Variants in PGM1 observed in about 807,000 individuals in gnomAD.
PGM1 encodes the protein phosphoglucomutase-1.
In PGM1, 52 loss-of-function variants were observed where a neutral mutation model predicts 55.6. The observed-to-expected ratio is 0.94, with a 90% CI of 0.75 to 1.18. The LOEUF is 1.18. Among genes scored for constraint, PGM1 ranks in the 50% most tolerant of loss-of-function variants. PGM1 has a pLI of 0.00. For missense variants in PGM1, 724 were observed against 729.3 expected, an observed-to-expected ratio of 0.99 and a Z score of 0.08; for synonymous variants, 287 against 271.7, an observed-to-expected ratio of 1.06 and a Z score of -0.55.
At chr1:63,653,126 A>G (rs1375419850) in intron 9 of PGM1, among the ~76,000 whole-genome samples, 1 of 152,206 alleles carries the variant, frequency 6.6e-6, no homozygotes, top group Non-Finnish European at 1.5e-5. Flanking sequence ...ACAGTGGCCT[A>G]AGCTCGAGAG....
intron 7 of PGM1, among the ~76,000 whole-genome samples, chr1:63,643,677 G>A (rs1207447886): frequency 1.3e-5 from 2 of 152,208 alleles, no homozygotes; most frequent in Non-Finnish European, 2.9e-5. Flanking sequence ...GTCAACTGGG[G>A]CCCGGCCATT....
chr1:63,638,536 A>T lies in PGM1; in HGVS notation c.1029-149A>T, dbSNP rs1238726255. The T allele has an allele frequency of 4.2e-6, 3 of 719,372 alleles. No individual in the cohort carries two copies. In the African/African-American group the frequency reaches 5.2e-5, roughly 13 times the overall value. The allele number at this position is 719,372 out of a possible 1,614,324, so 44.6% of individuals were successfully genotyped here. The stretch of plus-strand genomic sequence containing the variant: ...GCCCATTGTGCACAAGGTTTCTCTT[A>T]TGATTTTCCACCAATCTTAGAATTA... On this transcript the variant is annotated intron_variant, in intron 6 of 10. Coordinates refer to ENST00000371084, the MANE Select transcript of PGM1 (RefSeq NM_002633.3).
intron 8 of PGM1, 100 bp downstream of exon 8, chr1:63,648,752 C>A: frequency 7.8e-7 from 1 of 1,286,354 alleles, no homozygotes; most frequent in Non-Finnish European, 1.1e-6. Context: ...GCTAATAAAA[C>A]CCTAGGTCAT....
intron 1 of PGM1, among the ~76,000 whole-genome samples, chr1:63,605,212 C>T (rs1283452443): frequency 6.6e-6 from 1 of 152,080 alleles, no homozygotes; most frequent in East Asian, 1.9e-4. Context: ...GCTTATGTAA[C>T]CTGCTTCCTG....
Position 63,659,852 on chromosome 1 carries a change from C to T in PGM1, c.*177C>T. On this transcript the variant is annotated 3_prime_UTR_variant, in exon 11 of 11. Coordinates refer to ENST00000371084, the MANE Select transcript of PGM1 (RefSeq NM_002633.3). ...CTGCCAAACAAGATGCCCTTGGGAG[C>T]TGTGAGGGAAAGAGGACCTGCGGGC... is the stretch of plus-strand genomic sequence containing the variant. 1.5e-6 allele frequency: 1 copy of T among 665,670 alleles called. No individual in the cohort carries two copies. The highest frequency in any genetic ancestry group is 1.6e-5 in the South Asian group (1 of 61,686). The allele number at this position is 665,670 out of a possible 1,614,324, so 41.2% of individuals were successfully genotyped here.
At chr1:63,628,197 A>G (rs754729601) in intron 1 of PGM1, among the ~76,000 whole-genome samples, 12 of 152,202 alleles carry the variant, frequency 7.9e-5, no homozygotes, top group Admixed American at 1.3e-4. Flanking sequence ...ATTTCACACT[A>G]TCTGCAGGTT....
chr1:63,648,678 A>C lies in PGM1; in HGVS notation c.1280+26A>C, dbSNP rs765582405. On this transcript the variant is annotated intron_variant, in intron 8 of 10. Coordinates refer to ENST00000371084, the MANE Select transcript of PGM1 (RefSeq NM_002633.3). ...GTGAGCCACAGCCCAGCTGGGGTACAAGGTAAGGTGGGGAAGTGGGCAGAG... is the reference window on the plus strand; with the variant it reads ...GTGAGCCACAGCCCAGCTGGGGTACCAGGTAAGGTGGGGAAGTGGGCAGAG... The C allele has an allele frequency of 3.7e-6, 6 of 1,612,832 alleles. 1 individual carries two copies. The South Asian group carries it at 6.6e-5, about 18-fold the overall frequency.
chr1:63,648,717 A>G (rs1649724433), intron 8 of PGM1, 65 bp downstream of exon 8: 1 of 1,540,360 alleles, frequency 6.5e-7, no homozygotes, highest in Non-Finnish European at 8.9e-7. Context: ...ATTCTTGCGC[A>G]TCCACAGCCT....
At chr1:63,609,127 C>T (rs1426540772) in intron 1 of PGM1, among the ~76,000 whole-genome samples, 1 of 152,174 alleles carries the variant, frequency 6.6e-6, no homozygotes, top group African/African-American at 2.4e-5. Context: ...CACATTATCC[C>T]TTGGACTTTT....
intron 10 of PGM1, among the ~76,000 whole-genome samples, chr1:63,658,580 C>T (rs1305917987): frequency 2.0e-5 from 3 of 151,782 alleles, no homozygotes; most frequent in Non-Finnish European, 4.4e-5. Context: ...TGGAGAAACC[C>T]CATCTCTACT....
Position 63,630,047 on chromosome 1 carries a change from A to G in PGM1, c.515A>G (p.Lys172Arg), listed in dbSNP as rs749946570. 2 of 1,614,122 alleles carry G rather than the reference A, an allele frequency of 1.2e-6. No homozygotes were observed. Among genetic ancestry groups the G allele is most frequent in the Admixed American group, 1.7e-5 (1 of 60,030 alleles). ...DLKVDLGVLG[K>R]QQFDLENKFK... ...AAAGTAGACCTTGGTGTTCTGGGAA[A>G]GCAGCAGTTTGACTTGGAAAATAAG... The change falls in exon 3 of 11, where the codon AAG (lysine) becomes AGG (arginine). Residue 172 changes from lysine to arginine, a missense_variant. Around this residue, in one of 3 missense-constraint regions of PGM1, gnomAD observed 379 missense variants for 357.5 expected, o/e 1.06. Coordinates refer to ENST00000371084, the MANE Select transcript of PGM1 (RefSeq NM_002633.3).
In PGM1 at chr1:63,619,441, G is replaced by A. The variant is rs76822064; in HGVS notation, c.247-9984G>A. Among the ~76,000 whole-genome samples the A allele has an allele frequency of 7.7e-3, 1,175 of 152,296 alleles. 5 individuals are homozygous for A. Among genetic ancestry groups the A allele is most frequent in the Non-Finnish European group, 0.012 (821 of 68,028 alleles). On this transcript the variant is annotated intron_variant, in intron 1 of 10. Transcript: ENST00000371084. ...AGTTGTGTGTAGAAAGCTGGCAGAG[G>A]AACAGTGCTGGACAAGATCACATTG...
chr1:63,659,648 A>G lies in PGM1; in HGVS notation c.1662A>G (p.Gly554=), dbSNP rs1293336165. Residue 554 remains glycine (G), a synonymous_variant, in exon 11 of 11, where the codon GGA becomes GGG. Coordinates refer to ENST00000371084, the MANE Select transcript of PGM1 (RefSeq NM_002633.3). ...LKVSQLQERT[G]RTAPTVIT ...TGTCCCAGCTGCAGGAGAGGACGGG[A>G]CGCACTGCACCCACTGTCATCACCT... The G allele has an allele frequency of 6.2e-7, 1 of 1,613,930 alleles. No individual in the cohort carries two copies. Among genetic ancestry groups the G allele is most frequent in the Admixed American group, 1.7e-5 (1 of 60,012 alleles).
In PGM1 at chr1:63,614,253, T is replaced by C. The variant is rs532411802; in HGVS notation, c.247-15172T>C. 2.6e-5 allele frequency among the ~76,000 whole-genome samples: 4 copies of C among 152,330 alleles called. No individual in the cohort carries two copies. The South Asian group carries it at 8.3e-4, about 32-fold the overall frequency. On this transcript the variant is annotated intron_variant, in intron 1 of 10. Transcript: ENST00000371084. Reference sequence around the variant, plus strand: ...CCAAGATCTCCAAGATACTAAAAAGTATCAAGAGTTGGAATTTGAACCTGG... The same window carrying C: ...CCAAGATCTCCAAGATACTAAAAAGCATCAAGAGTTGGAATTTGAACCTGG...
chr1:63,659,724 G>C lies in PGM1; in HGVS notation c.*49G>C, dbSNP rs1248808597. On this transcript the variant is annotated 3_prime_UTR_variant, in exon 11 of 11. Transcript: ENST00000371084. ...TCCCTCCACCCCCGGACCCATCCAA[G>C]TCATCTGATTGAAGAGCATGACAGA... is the stretch of plus-strand genomic sequence containing the variant. The C allele has an allele frequency of 7.3e-7, 1 of 1,368,102 alleles. No individual in the cohort carries two copies. The allele number at this position is 1,368,102 out of a possible 1,614,324, so 84.7% of individuals were successfully genotyped here.
intron 1 of PGM1, among the ~76,000 whole-genome samples, chr1:63,625,886 C>T (rs1277279395): frequency 6.6e-6 from 1 of 152,088 alleles, no homozygotes; most frequent in East Asian, 1.9e-4. Flanking sequence ...CCCCAGAGCT[C>T]TAAACTGAGA....
chr1:63,623,567 G>T (rs1358420645), intron 1 of PGM1: 2 of 1,612,818 alleles, frequency 1.2e-6, no homozygotes, highest in African/African-American at 2.7e-5. Flanking sequence ...CAGAAACCAG[G>T]AACAAGTGGA....
Position 63,630,013 on chromosome 1 carries a change from C to T in PGM1, c.481C>T (p.Pro161Ser). ...GACAATTGAAGAATATGCAGTTTGC[C>T]CTGACCTGAAAGTAGACCTTGGTGT... The part of the protein sequence containing the change: ...SKTIEEYAVC[P>S]DLKVDLGVLG... Residue 161 changes from proline to serine, a missense_variant, in exon 3 of 11, where the codon CCT becomes TCT. Around this residue, in one of 3 missense-constraint regions of PGM1, gnomAD observed 379 missense variants for 357.5 expected, o/e 1.06. Coordinates refer to ENST00000371084, the MANE Select transcript of PGM1 (RefSeq NM_002633.3). The T allele has an allele frequency of 6.2e-7, 1 of 1,613,942 alleles. No individual in the cohort carries two copies. Among genetic ancestry groups the T allele is most frequent in the South Asian group, 1.1e-5 (1 of 91,070 alleles).
At chr1:63,616,388 A>G (rs1050530485) in intron 1 of PGM1, among the ~76,000 whole-genome samples, 30 of 152,174 alleles carry the variant, frequency 2.0e-4, no homozygotes, top group African/African-American at 6.8e-4. Context: ...ACGTAACCAC[A>G]TGGGTTCAGA....
Sources: gnomAD v4.1 joint callset for allele counts (sites outside exome capture counted in the v4.1 genomes callset) on GRCh38, gnomAD v4.1.1 for gene constraint, gnomAD v4.1.1 regional missense constraint, MANE v1.5 for transcripts, NCBI Gene and HGNC (gene_info 2026-07-23, HGNC 2026-07-21) for gene names.